The following SLC12A1 variants were observed in gnomAD, a reference collection of about 807,000 sequenced individuals.
SLC12A1 encodes Na-K-2Cl cotransporter.
Under a neutral mutation model 130.4 loss-of-function variants are expected in SLC12A1, and 89 were observed. The observed-to-expected ratio is 0.68, with a 90% CI of 0.58 to 0.81. SLC12A1 has a LOEUF of 0.81. SLC12A1 is among the 40% of genes least tolerant of loss of function. The pLI is 0.00. For missense variants in SLC12A1, 1,310 were observed against 1,336.4 expected (o/e 0.98, Z 0.31); for synonymous variants, 499 against 460.0 (o/e 1.08, Z -1.09).
intron 2 of SLC12A1, among the ~76,000 whole-genome samples, chr15:48,220,033 C>T (rs761630043): frequency 1.4e-5 from 2 of 148,090 alleles, no homozygotes; most frequent in African/African-American, 2.5e-5. Context: ...TGCCTTAACC[C>T]GGGAGGCACA....
intron 21 of SLC12A1, 70 bp downstream of exon 21, chr15:48,285,319 C>T (rs2042046328): frequency 2.0e-6 from 3 of 1,471,022 alleles, no homozygotes; most frequent in South Asian, 1.2e-5. Context: ...ATGAAGAGTC[C>T]GAAGTCAGCA....
At position 48,249,490 on chromosome 15, in the gene SLC12A1, A is replaced by G. The variant is rs547230357; in HGVS notation, c.1685-85A>G. Reference sequence around the variant, plus strand: ...CTCGCTATGTTTTCAATTTCCAAATAAATTCAAGCTTCGAGGCTATAACAG... The same window carrying G: ...CTCGCTATGTTTTCAATTTCCAAATGAATTCAAGCTTCGAGGCTATAACAG... On this transcript the variant is annotated intron_variant, in intron 13 of 26. Coordinates refer to ENST00000380993, the MANE Select transcript of SLC12A1 (RefSeq NM_000338.3). The G allele has an allele frequency of 1.1e-5, 11 of 1,024,668 alleles. No homozygotes were observed. In the African/African-American group the frequency reaches 1.6e-4, roughly 15 times the overall value. 63.5% of individuals were successfully genotyped at this position (1,024,668 alleles called of 1,614,324 possible).
chr15:48,293,682 T>A (rs1034612897), intron 24 of SLC12A1, among the ~76,000 whole-genome samples: 1 of 152,196 alleles, frequency 6.6e-6, no homozygotes, highest in African/African-American at 2.4e-5. Flanking sequence ...CAAACAAACT[T>A]GAATTTCATA....
rs377597720 is a variant in SLC12A1, at chr15:48,250,386, A to G, written c.1786+710A>G. Among the ~76,000 whole-genome samples, 5 of 152,232 alleles carry G rather than the reference A, an allele frequency of 3.3e-5. No homozygotes were observed. The East Asian group carries it at 9.6e-4, about 29-fold the overall frequency. ...TGACAAGATATTAAGCCTCCTTTGG[A>G]AAAACTTGCTGCCAATAAGACAAAA... On this transcript the variant is annotated intron_variant, in intron 14 of 26. Transcript: ENST00000380993.
At chr15:48,241,846 C>A (rs894268030) in intron 10 of SLC12A1, among the ~76,000 whole-genome samples, 1 of 152,164 alleles carries the variant, frequency 6.6e-6, no homozygotes, top group African/African-American at 2.4e-5. Flanking sequence ...TACCTGAACA[C>A]AAAGAGGGTC....
chr15:48,237,080 A>G (rs1325336695), intron 9 of SLC12A1: 1 of 697,154 alleles, frequency 1.4e-6, no homozygotes, highest in Non-Finnish European at 2.6e-6. Context: ...AACAAGCAAG[A>G]GTAGAATCAA....
chr15:48,301,290 C>G (rs1003649890), intron 25 of SLC12A1, 25 bp from the exon 26 acceptor site: 4 of 1,553,488 alleles, frequency 2.6e-6, no homozygotes, highest in Non-Finnish European at 8.8e-7. Flanking sequence ...GAACTGTACT[C>G]AACAAATCTG....
intron 13 of SLC12A1, 30 bp from the exon 14 acceptor site, chr15:48,249,545 C>T (rs200891249): frequency 3.8e-5 from 59 of 1,536,940 alleles, no homozygotes; most frequent in East Asian, 3.4e-4. Context: ...ATCACTCATA[C>T]GTACATGTTC....
intron 19 of SLC12A1, among the ~76,000 whole-genome samples, chr15:48,271,637 A>T (rs573961199): frequency 1.3e-5 from 2 of 152,270 alleles, no homozygotes; most frequent in East Asian, 3.9e-4. Context: ...AATTCACTCA[A>T]CAGTCTTTCT....
At chr15:48,290,576 G>A (rs142391926) in intron 23 of SLC12A1, among the ~76,000 whole-genome samples, 36 of 152,226 alleles carry the variant, frequency 2.4e-4, no homozygotes, top group African/African-American at 7.5e-4. Flanking sequence ...GTGCTATGCC[G>A]TTACAACAGC....
intron 15 of SLC12A1, among the ~76,000 whole-genome samples, chr15:48,254,110 G>T: frequency 6.6e-6 from 1 of 151,152 alleles, no homozygotes. Flanking sequence ...CTTACAGTTT[G>T]TTTTGAAGAG....
chr15:48,239,723 T>C (rs932396568), intron 9 of SLC12A1, among the ~76,000 whole-genome samples: 1 of 151,712 alleles, frequency 6.6e-6, no homozygotes, highest in Non-Finnish European at 1.5e-5. Context: ...CAATCTCGGC[T>C]CACTGCAACC....
chr15:48,214,895 A>C (rs557578252), intron 2 of SLC12A1, among the ~76,000 whole-genome samples: 1 of 151,652 alleles, frequency 6.6e-6, no homozygotes, highest in Non-Finnish European at 1.5e-5. Flanking sequence ...AATAAAAGAA[A>C]GTTTAAAACA....
At chr15:48,258,701 G>A (rs1455830671) in intron 16 of SLC12A1, among the ~76,000 whole-genome samples, 1 of 152,100 alleles carries the variant, frequency 6.6e-6, no homozygotes, top group Non-Finnish European at 1.5e-5. Flanking sequence ...CTACCAGTAC[G>A]AATTTTAGTC....
Position 48,301,338 on chromosome 15 carries a change from T to C in SLC12A1, c.3120T>C (p.Asn1040=). The C allele has an allele frequency of 6.2e-7, 1 of 1,601,670 alleles. No homozygotes were observed. The highest frequency in any genetic ancestry group is 8.5e-7 in the Non-Finnish European group (1 of 1,173,724). ...AGAGTTACCGCCAAGTTCGACTGAA[T>C]GAACTCTTACAGGAGCACTCCAGAG... ...KEKSYRQVRL[N]ELLQEHSRAA... The change falls in exon 26 of 27, where the codon AAT becomes AAC. Residue 1040 remains asparagine (N), a synonymous_variant. Transcript: ENST00000380993.
intron 23 of SLC12A1, among the ~76,000 whole-genome samples, chr15:48,290,177 C>A (rs2042104415): frequency 6.6e-6 from 1 of 151,988 alleles, no homozygotes; most frequent in African/African-American, 2.4e-5. Flanking sequence ...GAAACATAAA[C>A]ACACACATTA....
chr15:48,272,558 C>G (rs1473590674), intron 19 of SLC12A1, among the ~76,000 whole-genome samples: 2 of 152,050 alleles, frequency 1.3e-5, no homozygotes, highest in African/African-American at 2.4e-5. Flanking sequence ...TACCAAGTAA[C>G]CAGGACTACA....
In SLC12A1 at chr15:48,244,985, C is replaced by T. The variant is rs1189645522; in HGVS notation, c.1452+81C>T. The T allele has an allele frequency of 2.4e-6, 3 of 1,272,072 alleles. No individual in the cohort carries two copies. In the East Asian group the frequency reaches 7.2e-5, roughly 30 times the overall value. The allele number at this position is 1,272,072 out of a possible 1,614,324, so 78.8% of individuals were successfully genotyped here. ...ACATAGAGTAAGATTTCTGAATCTG[C>T]AACTGATTGATTATTGGCTGATAAG... On this transcript the variant is annotated intron_variant, in intron 11 of 26. Transcript: ENST00000380993.
rs2041692810 is a variant in SLC12A1 at position 48,255,219 on chromosome 15, C to A, written c.1943-592C>A. Among the ~76,000 whole-genome samples the A allele has an allele frequency of 2.0e-5, 3 of 152,180 alleles. No homozygotes were observed. In the South Asian group the frequency reaches 6.2e-4, roughly 31 times the overall value. On this transcript the variant is annotated intron_variant, in intron 15 of 26. Transcript: ENST00000380993. ...CTCTGAGAGACCGAGATGGGTGGAT[C>A]ACAAAGTCAAGAGTTTGAGACCAGT... is the stretch of plus-strand genomic sequence containing the variant.
Sources: allele counts gnomAD v4.1 joint callset (sites outside exome capture counted in the v4.1 genomes callset), GRCh38; gene constraint gnomAD v4.1.1; transcripts MANE v1.5; gene names NCBI Gene and HGNC (gene_info 2026-07-23, HGNC 2026-07-21).